The following TAFA5 variants were observed in gnomAD, a reference collection of about 807,000 sequenced individuals.
TAFA5 encodes the protein chemokine-like protein TAFA-5.
In TAFA5, 6 loss-of-function variants were observed where a neutral mutation model predicts 15.3. The ratio of observed to expected loss-of-function variants is 0.39; its 90% confidence interval spans 0.21 to 0.77. TAFA5 has a LOEUF of 0.77. TAFA5 is among the 30% of genes least tolerant of loss of function. The pLI is 0.41. For missense variants in TAFA5, 161 were observed against 193.1 expected (o/e 0.83, Z 0.98); for synonymous variants, 103 against 80.7 (o/e 1.28, Z -1.48).
chr22:48,653,861 G>A (rs1927141680), intron 2 of TAFA5, among the ~76,000 whole-genome samples: 2 of 151,142 alleles, frequency 1.3e-5, no homozygotes, highest in African/African-American at 4.9e-5. Context: ...GGCACTACGT[G>A]AGCGTCACCA....
In TAFA5 at chr22:48,619,441, C is replaced by T. The variant is rs539558867; in HGVS notation, c.113-27156C>T. Among the ~76,000 whole-genome samples, 56 of 152,306 alleles carry T rather than the reference C, an allele frequency of 3.7e-4. 1 individual carries two copies. The East Asian group carries it at 8.7e-3, about 24-fold the overall frequency. On this transcript the variant is annotated intron_variant, in intron 1 of 3. Transcript: ENST00000402357. ...CATGATCTCAGCTTACTGCAACCTC[C>T]GCCTCCCAGGTTCAAGCGATTCTCC... is the stretch of plus-strand genomic sequence containing the variant.
At chr22:48,680,059 C>T (rs1463012078) in intron 2 of TAFA5, among the ~76,000 whole-genome samples, 2 of 152,350 alleles carry the variant, frequency 1.3e-5, no homozygotes, top group African/African-American at 4.8e-5. Context: ...GTTCAACCGG[C>T]ACCCACCCGT....
chr22:48,663,810 G>A (rs1035507453), intron 2 of TAFA5, among the ~76,000 whole-genome samples: 16 of 152,134 alleles, frequency 1.1e-4, no homozygotes, highest in African/African-American at 3.6e-4. Context: ...GTTATCAGAC[G>A]GACTGTCGTG....
At chr22:48,517,422 T>A (rs1390452413) in intron 1 of TAFA5, among the ~76,000 whole-genome samples, 1 of 151,974 alleles carries the variant, frequency 6.6e-6, no homozygotes, top group Non-Finnish European at 1.5e-5. Flanking sequence ...CCCCACCACC[T>A]CCTCCTGGGA....
At chr22:48,494,210 G>A (rs980444299) in intron 1 of TAFA5, among the ~76,000 whole-genome samples, 4 of 152,236 alleles carry the variant, frequency 2.6e-5, no homozygotes, top group Non-Finnish European at 4.4e-5. Context: ...ATGGGAAAAT[G>A]TTATGATAAT....
At chr22:48,521,433 C>T (rs1167132873) in intron 1 of TAFA5, among the ~76,000 whole-genome samples, 2 of 151,832 alleles carry the variant, frequency 1.3e-5, no homozygotes, top group South Asian at 2.1e-4. Context: ...GCTTCCACCT[C>T]GTGCTCCCAT....
At chr22:48,519,205 T>TA (rs1413223888) in intron 1 of TAFA5, among the ~76,000 whole-genome samples, 2 of 152,374 alleles carry the variant, frequency 1.3e-5, no homozygotes, top group African/African-American at 4.8e-5. Flanking sequence ...AGTGTACTGA[T>TA]ACATGATGTC....
chr22:48,601,199 C>A (rs534843684), intron 1 of TAFA5, among the ~76,000 whole-genome samples: 2 of 152,304 alleles, frequency 1.3e-5, no homozygotes, highest in South Asian at 4.1e-4. Flanking sequence ...GTGTAGGACT[C>A]GGTATTACCC....
rs73890921 is a variant in TAFA5 at position 48,592,275 on chromosome 22, G to T, written c.113-54322G>T. 4.8e-3 allele frequency among the ~76,000 whole-genome samples: 734 copies of T among 152,322 alleles called. 5 individuals carry two copies. Among genetic ancestry groups the T allele is most frequent in the African/African-American group, 0.016 (680 of 41,592 alleles). ...CACTGTACAGTGGCCCTGGAGTGAG[G>T]CTGGCAGAGCCTGCAGCCCCCCAGG... On this transcript the variant is annotated intron_variant, in intron 1 of 3. Coordinates refer to ENST00000402357, the MANE Select transcript of TAFA5 (RefSeq NM_001082967.3).
At chr22:48,531,488 T>C (rs908893098) in intron 1 of TAFA5, among the ~76,000 whole-genome samples, 1 of 152,204 alleles carries the variant, frequency 6.6e-6, no homozygotes, top group African/African-American at 2.4e-5. Flanking sequence ...TCGAGGTCCC[T>C]GAGGCCACAG....
Position 48,658,004 on chromosome 22 carries a change from G to A in TAFA5, c.262+11258G>A, listed in dbSNP as rs868707851. Among the ~76,000 whole-genome samples the A allele has an allele frequency of 7.9e-5, 12 of 152,306 alleles. 1 individual carries two copies. In the South Asian group the frequency reaches 2.1e-3, roughly 26 times the overall value. ...TAATCAGCATCTGAGAATAATCAGC[G>A]TCTACAAGAAGAAATATCTTTGAAA... On this transcript the variant is annotated intron_variant, in intron 2 of 3. Coordinates refer to ENST00000402357, the MANE Select transcript of TAFA5 (RefSeq NM_001082967.3).
intron 3 of TAFA5, among the ~76,000 whole-genome samples, chr22:48,737,121 C>T (rs1323036244): frequency 6.6e-6 from 1 of 152,070 alleles, no homozygotes; most frequent in Non-Finnish European, 1.5e-5. Flanking sequence ...CCACCATGCC[C>T]CTCTCCTGAC....
intron 1 of TAFA5, among the ~76,000 whole-genome samples, chr22:48,622,874 G>A (rs1925889379): frequency 1.3e-5 from 2 of 151,966 alleles, no homozygotes; most frequent in Admixed American, 1.3e-4. Flanking sequence ...TCGGCTGTGT[G>A]GACAGGGCCA....
chr22:48,516,972 A>T (rs376221741), intron 1 of TAFA5, among the ~76,000 whole-genome samples: 1 of 152,226 alleles, frequency 6.6e-6, no homozygotes, highest in Non-Finnish European at 1.5e-5. Flanking sequence ...TAAAATTCAC[A>T]TAACAAAATC....
At chr22:48,626,099 A>G (rs1250409255) in intron 1 of TAFA5, among the ~76,000 whole-genome samples, 1 of 142,562 alleles carries the variant, frequency 7.0e-6, no homozygotes, top group Admixed American at 7.0e-5. Context: ...CACCTGTTGA[A>G]AAGTTTCTTG....
rs76325791 is a variant in TAFA5, at chr22:48,513,653, C to T, written c.112+23949C>T. ...GGCAGGCCTGTGCGGCCCCAGAGCCCGCGTCTGCCCTGTGGTTCTGACAGG... is the reference window on the plus strand; with the variant it reads ...GGCAGGCCTGTGCGGCCCCAGAGCCTGCGTCTGCCCTGTGGTTCTGACAGG... On this transcript the variant is annotated intron_variant, in intron 1 of 3. Coordinates refer to ENST00000402357, the MANE Select transcript of TAFA5 (RefSeq NM_001082967.3). 8.9e-4 allele frequency among the ~76,000 whole-genome samples: 135 copies of T among 152,344 alleles called. 2 individuals are homozygous for T. In the East Asian group the frequency reaches 0.021, roughly 24 times the overall value.
In TAFA5 at chr22:48,489,634, CG is replaced by C; in HGVS notation, c.43del (p.Ala15ProfsTer13). Reference sequence around the variant, plus strand: ...GGACCGGCAGCCGGCAAGATGCGACCGCCCTGCCCAGCATGTCCTCAACTTT... The same window carrying C: ...GGACCGGCAGCCGGCAAGATGCGACCCCCTGCCCAGCATGTCCTCAACTTT... Reference protein sequence around the residue: ...PRTGSRQDATALPSMSSTFWA... With the variant: ...PRTGSRQDATXLPSMSSTFWA... On this transcript the variant is annotated frameshift_variant, in exon 1 of 4. Transcript: ENST00000402357. LOFTEE classifies it high-confidence loss of function. The surrounding 1 kb of genome is among the most constrained non-coding windows in gnomAD (Gnocchi z 5.5). 2.0e-6 allele frequency: 3 copies of C among 1,518,380 alleles called. No homozygotes were observed. The highest frequency in any genetic ancestry group is 2.8e-5 in the East Asian group (1 of 35,636). The allele number at this position is 1,518,380 out of a possible 1,614,324, so 94.1% of individuals were successfully genotyped here.
At chr22:48,693,054 C>T (rs1251825815) in intron 2 of TAFA5, among the ~76,000 whole-genome samples, 1 of 152,190 alleles carries the variant, frequency 6.6e-6, no homozygotes, top group Non-Finnish European at 1.5e-5. Flanking sequence ...TTGTCAAGGG[C>T]ACTTACTCAG....
At chr22:48,634,935 G>A (rs1318475782) in intron 1 of TAFA5, among the ~76,000 whole-genome samples, 1 of 152,166 alleles carries the variant, frequency 6.6e-6, no homozygotes, top group Non-Finnish European at 1.5e-5. Context: ...TCTTTGGTTT[G>A]TGTCCACACC....
Sources: allele counts gnomAD v4.1 joint callset (sites outside exome capture counted in the v4.1 genomes callset), GRCh38; gene constraint gnomAD v4.1.1; non-coding constraint Gnocchi (gnomAD v3.1); transcripts MANE v1.5; gene names NCBI Gene and HGNC (gene_info 2026-07-23, HGNC 2026-07-21).